Variants in TMEM132C observed in about 807,000 individuals in gnomAD.
The protein encoded by TMEM132C is transmembrane protein 132C, also known as protein phosphatase 1, regulatory subunit 152.
A neutral mutation model predicts 61.4 loss-of-function variants in TMEM132C; 29 were observed. That is an observed-to-expected ratio of 0.47 (90% confidence interval 0.35 to 0.64). TMEM132C has a LOEUF of 0.64. TMEM132C is among the 30% of genes least tolerant of loss of function. The pLI is 0.00. For missense variants in TMEM132C, 1,408 were observed against 1,476.9 expected, an observed-to-expected ratio of 0.95 and a Z score of 0.76; for synonymous variants, 656 against 633.1, an observed-to-expected ratio of 1.04 and a Z score of -0.54.
intron 2 of TMEM132C, among the ~76,000 whole-genome samples, chr12:128,449,136 CAAAAAAAAAAA>C (rs141298455): frequency 1.6e-4 from 8 of 50,722 alleles, no homozygotes; most frequent in African/African-American, 5.0e-4. Flanking sequence ...GACTCTGTCT[CAAAAAAAAAAA>C]AAAAAAAAAA....
intron 1 of TMEM132C, among the ~76,000 whole-genome samples, chr12:128,413,513 G>A (rs973303453): frequency 1.3e-5 from 2 of 151,680 alleles, no homozygotes; most frequent in East Asian, 1.9e-4. Context: ...ATTGCCTGTC[G>A]ACTTCCCAAC....
At chr12:128,273,791 A>G (rs1366735873) in intron 1 of TMEM132C, among the ~76,000 whole-genome samples, 1 of 152,222 alleles carries the variant, frequency 6.6e-6, no homozygotes, top group Non-Finnish European at 1.5e-5. Context: ...TTTGTATGCT[A>G]TATAAGAAAT....
intron 3 of TMEM132C, among the ~76,000 whole-genome samples, chr12:128,595,944 A>G (rs4882809): frequency 0.95 from 144,978 of 152,296 alleles, 69,260 homozygotes; most frequent in East Asian, 1. Flanking sequence ...CATGCCCACC[A>G]TGCCGTTAAG....
intron 2 of TMEM132C, among the ~76,000 whole-genome samples, chr12:128,499,135 A>G (rs77927382): frequency 0.04 from 6,114 of 152,290 alleles, 390 homozygotes; most frequent in African/African-American, 0.13. Context: ...TCTTACTACA[A>G]TGCTACAGTC....
intron 2 of TMEM132C, among the ~76,000 whole-genome samples, chr12:128,418,441 GTC>G (rs1039304012): frequency 6.6e-6 from 1 of 152,202 alleles, no homozygotes; most frequent in Non-Finnish European, 1.5e-5. Flanking sequence ...TCTATGTGGA[GTC>G]TCTCTGTTTC....
intron 4 of TMEM132C, among the ~76,000 whole-genome samples, chr12:128,650,898 G>T (rs180891860): frequency 6.6e-6 from 1 of 152,144 alleles, no homozygotes; most frequent in Non-Finnish European, 1.5e-5. Flanking sequence ...AACTGGAGTG[G>T]TGTGGGCTCC....
At chr12:128,477,633 G>T (rs904757284) in intron 2 of TMEM132C, among the ~76,000 whole-genome samples, 1 of 152,194 alleles carries the variant, frequency 6.6e-6, no homozygotes, top group African/African-American at 2.4e-5. Flanking sequence ...AAGCTGGAGT[G>T]CAGTGGTGCA....
chr12:128,598,746 T>A (rs1876060036), intron 3 of TMEM132C, among the ~76,000 whole-genome samples: 1 of 151,904 alleles, frequency 6.6e-6, no homozygotes, highest in Non-Finnish European at 1.5e-5. Flanking sequence ...GTTGCCCCAA[T>A]TTTAGGGATT....
At chr12:128,498,235 G>A (rs149698450) in intron 2 of TMEM132C, among the ~76,000 whole-genome samples, 1,765 of 152,136 alleles carry the variant, frequency 0.012, 26 homozygotes, top group African/African-American at 0.041. Context: ...GGACACATAC[G>A]GCCACTGTTA....
chr12:128,677,948 A>G (rs1301367828), intron 5 of TMEM132C, among the ~76,000 whole-genome samples: 1 of 152,246 alleles, frequency 6.6e-6, no homozygotes, highest in Non-Finnish European at 1.5e-5. Flanking sequence ...TTGCTCAGCC[A>G]ACAGCCTGAT....
intron 2 of TMEM132C, among the ~76,000 whole-genome samples, chr12:128,447,704 G>GTTTTTT (rs1870029836): frequency 1.1e-5 from 1 of 90,948 alleles, no homozygotes; most frequent in African/African-American, 6.3e-5. Flanking sequence ...TATTTCAAGT[G>GTTTTTT]CTTTTTTTTT....
At chr12:128,324,440 C>T (rs865777780) in intron 1 of TMEM132C, among the ~76,000 whole-genome samples, 7 of 152,170 alleles carry the variant, frequency 4.6e-5, no homozygotes, top group East Asian at 1.9e-4. Context: ...TCCATGAGTG[C>T]ATGTGTGTGG....
At chr12:128,629,200 C>A (rs7136901) in intron 4 of TMEM132C, among the ~76,000 whole-genome samples, 5,595 of 152,186 alleles carry the variant, frequency 0.037, 114 homozygotes, top group Middle Eastern at 0.048. Flanking sequence ...CTTTGTTCAG[C>A]CTTTGTTAAT....
intron 8 of TMEM132C, among the ~76,000 whole-genome samples, chr12:128,704,735 C>T (rs1954824517): frequency 1.3e-5 from 2 of 152,124 alleles, no homozygotes; most frequent in Non-Finnish European, 2.9e-5. Context: ...CAGGGCCTGC[C>T]CTAGAAGCCA....
chr12:128,706,334 T>C lies in TMEM132C; in HGVS notation c.*39T>C, dbSNP rs767806747. ...AAGGGCCCTGCCCAGATGCCTTCCTTGTACTGGAAACTGGCCCAAGTGGGG... is the reference window on the plus strand; with the variant it reads ...AAGGGCCCTGCCCAGATGCCTTCCTCGTACTGGAAACTGGCCCAAGTGGGG... On this transcript the variant is annotated 3_prime_UTR_variant, in exon 9 of 9. Transcript: ENST00000435159. 2 of 1,462,902 alleles carry C rather than the reference T, an allele frequency of 1.4e-6. No homozygotes were observed. The highest frequency in any genetic ancestry group is 1.4e-5 in the African/African-American group (1 of 70,216). 90.6% of individuals were successfully genotyped at this position (1,462,902 alleles called of 1,614,324 possible).
chr12:128,587,583 C>T (rs961534242), intron 3 of TMEM132C, among the ~76,000 whole-genome samples: 3 of 152,228 alleles, frequency 2.0e-5, no homozygotes, highest in Non-Finnish European at 4.4e-5. Flanking sequence ...GGATCATGTA[C>T]ACAATGGCAT....
At chr12:128,633,682 A>G (rs1252479049) in intron 4 of TMEM132C, among the ~76,000 whole-genome samples, 1 of 152,244 alleles carries the variant, frequency 6.6e-6, no homozygotes, top group Non-Finnish European at 1.5e-5. Flanking sequence ...AGTAGTACCA[A>G]AAAGAGATGT....
chr12:128,637,596 G>A (rs896154547), intron 4 of TMEM132C, among the ~76,000 whole-genome samples: 1 of 152,154 alleles, frequency 6.6e-6, no homozygotes, highest in Non-Finnish European at 1.5e-5. Context: ...TAGAGATGGG[G>A]TCTTGCTACA....
At chr12:128,511,660 G>C (rs1872570835) in intron 2 of TMEM132C, among the ~76,000 whole-genome samples, 1 of 152,188 alleles carries the variant, frequency 6.6e-6, no homozygotes, top group Non-Finnish European at 1.5e-5. Context: ...CCTGAACCTT[G>C]GGGTCCTGTC....
Sources: gnomAD v4.1 joint callset for allele counts (sites outside exome capture counted in the v4.1 genomes callset) on GRCh38, gnomAD v4.1.1 for gene constraint, MANE v1.5 for transcripts, NCBI Gene and HGNC (gene_info 2026-07-23, HGNC 2026-07-21) for gene names.